The following CWF19L1 variants were observed in gnomAD, a reference collection of about 807,000 sequenced individuals.
CWF19L1 encodes the protein CWF19-like protein 1.
In CWF19L1, 60 loss-of-function variants were observed where a neutral mutation model predicts 69.7. The ratio of observed to expected loss-of-function variants is 0.86; its 90% CI spans 0.70 to 1.07. The LOEUF is 1.07. Ranked by LOEUF, CWF19L1 falls within the 50% of genes least tolerant of loss-of-function variation. The pLI is 0.00. For missense variants in CWF19L1, 591 were observed against 638.9 expected (o/e 0.92, Z 0.81); for synonymous variants, 209 against 222.2 (o/e 0.94, Z 0.53).
chr10:100,263,623 G>C (rs949195456), intron 1 of CWF19L1, among the ~76,000 whole-genome samples: 2 of 152,038 alleles, frequency 1.3e-5, no homozygotes. Context: ...ATTGTCTCTG[G>C]GAGATCCACT....
intron 1 of CWF19L1, chr10:100,262,466 T>A (rs1847438625): frequency 1.0e-6 from 1 of 985,240 alleles, no homozygotes; most frequent in Non-Finnish European, 1.2e-6. Context: ...CGACTCCTCC[T>A]ATCTTAGTAC....
intron 4 of CWF19L1, 134 bp downstream of exon 4, chr10:100,260,084 C>G (rs1048512785): frequency 1.7e-6 from 1 of 583,082 alleles, no homozygotes; most frequent in African/African-American, 1.9e-5. Flanking sequence ...AGGAGAATCA[C>G]TTGAACCCGG....
chr10:100,267,513 G>A (rs1847641215), intron 1 of CWF19L1, 58 bp downstream of exon 1: 4 of 1,613,504 alleles, frequency 2.5e-6, no homozygotes, highest in Non-Finnish European at 3.4e-6. Flanking sequence ...CGCCCGTGTC[G>A]TCACCTACAC....
chr10:100,241,074 G>C (rs1846625021), intron 10 of CWF19L1, among the ~76,000 whole-genome samples: 1 of 138,858 alleles, frequency 7.2e-6, no homozygotes, highest in African/African-American at 2.7e-5. Flanking sequence ...GCAGTGGCGC[G>C]ATCTTGGCCT....
chr10:100,256,026 C>T (rs1847202137), intron 5 of CWF19L1, among the ~76,000 whole-genome samples: 1 of 152,186 alleles, frequency 6.6e-6, no homozygotes, highest in South Asian at 2.1e-4. Flanking sequence ...TATAAAAAAC[C>T]ATTCCTTTAT....
chr10:100,261,336 G>T (rs567220218), intron 2 of CWF19L1, among the ~76,000 whole-genome samples: 2 of 152,136 alleles, frequency 1.3e-5, no homozygotes, highest in African/African-American at 4.8e-5. Flanking sequence ...CAAATTCCCA[G>T]TCCCACTCTG....
chr10:100,248,310 G>A, intron 7 of CWF19L1: 1 of 1,366,582 alleles, frequency 7.3e-7, no homozygotes, highest in Non-Finnish European at 1.0e-6. Context: ...CCTGGCCTTA[G>A]CTGTTGCAGG....
At chr10:100,235,962 G>A (rs555045011) in intron 12 of CWF19L1, among the ~76,000 whole-genome samples, 198 bp from the exon 13 acceptor site, 80 of 152,276 alleles carry the variant, frequency 5.3e-4, no homozygotes, top group African/African-American at 1.9e-3. Flanking sequence ...TCCCAGTGGC[G>A]TCTATCCTTC....
intron 6 of CWF19L1, among the ~76,000 whole-genome samples, chr10:100,252,696 C>T (rs541949659): frequency 8.0e-5 from 12 of 150,590 alleles, no homozygotes; most frequent in East Asian, 2.0e-4. Flanking sequence ...CTTAGCCGGA[C>T]GTGGTGGCAC....
intron 10 of CWF19L1, among the ~76,000 whole-genome samples, chr10:100,242,478 A>G (rs12246690): frequency 0.027 from 4,053 of 152,278 alleles, 77 homozygotes; most frequent in Middle Eastern, 0.054. Context: ...GTTTGAGACC[A>G]GCCTGGCCAG....
At chr10:100,236,334 C>G (rs1482252705) in intron 12 of CWF19L1, among the ~76,000 whole-genome samples, 2 of 151,990 alleles carry the variant, frequency 1.3e-5, no homozygotes, top group African/African-American at 4.8e-5. Context: ...GTATCAAACT[C>G]CTGGCTTCAA....
chr10:100,256,660 T>C (rs1297035618), intron 4 of CWF19L1, among the ~76,000 whole-genome samples, 184 bp from the exon 5 acceptor site: 1 of 152,208 alleles, frequency 6.6e-6, no homozygotes, highest in Non-Finnish European at 1.5e-5. Context: ...ACAGTATTCC[T>C]GCTCAGTAAA....
rs1278702672 is a variant in CWF19L1, at chr10:100,232,805, A to G, written c.*422T>C. On this transcript the variant is annotated 3_prime_UTR_variant, in exon 14 of 14. Transcript: ENST00000354105. The stretch of plus-strand genomic sequence containing the variant: ...AGGCAAGTTCCATGGGACTGCACAA[A>G]AGAGGCAGGGAAACAGTCCCCATGG... 2 of 152,742 alleles carry G rather than the reference A, an allele frequency of 1.3e-5. No homozygotes were observed. Among genetic ancestry groups the G allele is most frequent in the African/African-American group, 4.8e-5 (2 of 41,482 alleles). 9.5% of individuals were successfully genotyped at this position (152,742 alleles called of 1,614,324 possible).
At chr10:100,236,375 T>C (rs1287603616) in intron 12 of CWF19L1, among the ~76,000 whole-genome samples, 2 of 152,040 alleles carry the variant, frequency 1.3e-5, no homozygotes, top group Non-Finnish European at 2.9e-5. Flanking sequence ...TCCCAAAGTG[T>C]TGGATTACAG....
intron 8 of CWF19L1, among the ~76,000 whole-genome samples, 194 bp downstream of exon 8, chr10:100,246,601 T>C (rs1000872899): frequency 6.6e-6 from 1 of 152,108 alleles, no homozygotes; most frequent in African/African-American, 2.4e-5. Flanking sequence ...ACCTAATGTA[T>C]CAAACTGTTA....
intron 6 of CWF19L1, among the ~76,000 whole-genome samples, chr10:100,253,097 A>G (rs1279098082): frequency 6.6e-6 from 1 of 152,160 alleles, no homozygotes. Context: ...ATTGCACACT[A>G]TAGTCTTGAA....
intron 5 of CWF19L1, among the ~76,000 whole-genome samples, chr10:100,255,394 C>T (rs917570890): frequency 5.3e-5 from 8 of 152,080 alleles, no homozygotes; most frequent in African/African-American, 1.9e-4. Flanking sequence ...CCTGTAATCC[C>T]AGCATTTTGG....
chr10:100,252,809 C>G (rs1368876801), intron 6 of CWF19L1, among the ~76,000 whole-genome samples: 1 of 147,614 alleles, frequency 6.8e-6, no homozygotes, highest in Admixed American at 6.8e-5. Context: ...GCACTCCAGC[C>G]AGGTGACAGA....
At position 100,262,005 on chromosome 10, in the gene CWF19L1, T is replaced by G. The variant is rs367578054; in HGVS notation, c.82A>C (p.Ile28Leu). The G allele has an allele frequency of 1.2e-6, 2 of 1,606,092 alleles. No homozygotes were observed. Among genetic ancestry groups the G allele is most frequent in the South Asian group, 1.1e-5 (1 of 88,584 alleles). Residue 28 changes from isoleucine to leucine, a missense_variant, in exon 2 of 14, where the codon ATT (isoleucine) becomes CTT (leucine). This residue lies in a region of CWF19L1 where 129 missense variants were observed against 131.3 expected (regional missense o/e 0.98). Transcript: ENST00000354105. The stretch of plus-strand genomic sequence containing the variant: ...TCAAAGTTTCCACTTTTCTTCTGAA[T>G]TGCTTGAACTCTATTGAATAAAATA... ...FDILFNRVQA[I>L]QKKSGNFDLL...
Sources: gnomAD v4.1 joint callset for allele counts (sites outside exome capture counted in the v4.1 genomes callset) on GRCh38, gnomAD v4.1.1 for gene constraint, gnomAD v4.1.1 regional missense constraint, MANE v1.5 for transcripts, NCBI Gene and HGNC (gene_info 2026-07-23, HGNC 2026-07-21) for gene names.